The following NRXN1 variants were observed in gnomAD, a reference collection of about 807,000 sequenced individuals.
NRXN1 encodes the protein neurexin-1.
Under a neutral mutation model 150.9 loss-of-function variants are expected in NRXN1, and 39 were observed. The observed-to-expected ratio is 0.26, with a 90% CI of 0.20 to 0.34. The LOEUF is 0.34. NRXN1 is among the 10% of genes least tolerant of loss of function. The pLI, the probability that NRXN1 is intolerant of heterozygous loss-of-function variation, is 1.00. For missense variants in NRXN1, 1,815 were observed against 1,949.9 expected, an observed-to-expected ratio of 0.93 and a Z score of 1.30; for synonymous variants, 924 against 757.0, an observed-to-expected ratio of 1.22 and a Z score of -3.62.
At chr2:50,904,367 C>A (rs1683367772) in intron 5 of NRXN1, among the ~76,000 whole-genome samples, 1 of 152,138 alleles carries the variant, frequency 6.6e-6, no homozygotes, top group East Asian at 1.9e-4. Flanking sequence ...GAAAAGGTAT[C>A]TTGAAATCCC....
chr2:50,427,348 C>A (rs1203528961), intron 17 of NRXN1, among the ~76,000 whole-genome samples: 7 of 140,820 alleles, frequency 5.0e-5, no homozygotes, highest in African/African-American at 1.1e-4. Context: ...GGAAGGTATG[C>A]AACATATATT....
intron 18 of NRXN1, among the ~76,000 whole-genome samples, chr2:50,197,300 G>C (rs996979434): frequency 2.0e-5 from 3 of 152,044 alleles, no homozygotes; most frequent in Non-Finnish European, 4.4e-5. Context: ...GGGAACCTGA[G>C]AGTCTAAGAA....
Position 50,288,686 on chromosome 2 carries a change from C to T in NRXN1, c.3365-51716G>A, listed in dbSNP as rs561952246. Among the ~76,000 whole-genome samples the T allele has an allele frequency of 7.2e-5, 11 of 152,198 alleles. No homozygotes were observed. In the South Asian group the frequency reaches 1.2e-3, roughly 17 times the overall value. ...ACTCCCATTTATAAAACCATATTAT[C>T]TCATGAGACTTATTCACTATCACTA... On this transcript the variant is annotated intron_variant, in intron 17 of 22. Transcript: ENST00000401669.
At chr2:50,295,273 A>T (rs1208686516) in intron 17 of NRXN1, among the ~76,000 whole-genome samples, 1 of 152,174 alleles carries the variant, frequency 6.6e-6, no homozygotes, top group Admixed American at 6.5e-5. Context: ...TTTTAAATTC[A>T]ACCTTTGATT....
chr2:50,825,488 T>A (rs1032768282), intron 5 of NRXN1, among the ~76,000 whole-genome samples: 5 of 152,188 alleles, frequency 3.3e-5, no homozygotes, highest in Non-Finnish European at 7.3e-5. Flanking sequence ...CAGGCCTATG[T>A]AATGAAGCTT....
chr2:50,062,881 C>T (rs1187115161), intron 19 of NRXN1, among the ~76,000 whole-genome samples: 1 of 152,066 alleles, frequency 6.6e-6, no homozygotes, highest in African/African-American at 2.4e-5. Flanking sequence ...ATGAACCAAA[C>T]ATTTGTGCAG....
At chr2:50,338,978 C>T (rs1324859772) in intron 17 of NRXN1, among the ~76,000 whole-genome samples, 1 of 152,144 alleles carries the variant, frequency 6.6e-6, no homozygotes, top group Non-Finnish European at 1.5e-5. Context: ...CTTTAAGCAG[C>T]TCTGAAACCT....
At position 50,722,112 on chromosome 2, in the gene NRXN1, C is replaced by G. The variant is rs142496197; in HGVS notation, c.833-98497G>C. On this transcript the variant is annotated intron_variant, in intron 5 of 22. Transcript: ENST00000401669. ...TCCAATGAATCTAGTATTCCATAGA[C>G]TCTATCAATCTTTTGCCCAATCTTT... Among the ~76,000 whole-genome samples, 140 of 152,180 alleles carry G rather than the reference C, an allele frequency of 9.2e-4. 1 individual carries two copies. The highest frequency in any genetic ancestry group is 6.8e-3 in the Middle Eastern group (2 of 292).
At chr2:50,974,159 T>A (rs1575099114) in intron 2 of NRXN1, among the ~76,000 whole-genome samples, 1 of 152,252 alleles carries the variant, frequency 6.6e-6, no homozygotes, top group East Asian at 1.9e-4. Context: ...CAAACTGCCA[T>A]TTTTTCTCAT....
intron 5 of NRXN1, among the ~76,000 whole-genome samples, chr2:50,776,085 T>C (rs893393366): frequency 4.6e-5 from 7 of 152,126 alleles, no homozygotes; most frequent in African/African-American, 1.2e-4. Context: ...GACTGTCATT[T>C]TGACAGTACT....
At chr2:50,357,307 T>A (rs890422573) in intron 17 of NRXN1, among the ~76,000 whole-genome samples, 1 of 144,264 alleles carries the variant, frequency 6.9e-6, no homozygotes, top group Non-Finnish European at 1.5e-5. Flanking sequence ...TATTTATTTT[T>A]TTTTTTATTT....
chr2:49,979,393 G>T (rs1468650365), intron 21 of NRXN1, among the ~76,000 whole-genome samples: 1 of 152,202 alleles, frequency 6.6e-6, no homozygotes, highest in East Asian at 1.9e-4. Context: ...GCTGTATTAA[G>T]GCACGGAGAG....
chr2:50,126,863 T>G (rs1483701131), intron 18 of NRXN1, among the ~76,000 whole-genome samples: 2 of 152,058 alleles, frequency 1.3e-5, no homozygotes, highest in African/African-American at 2.4e-5. Flanking sequence ...CTTTTTAAAT[T>G]ATATATTTCA....
At chr2:50,431,852 C>A (rs542595775) in intron 17 of NRXN1, among the ~76,000 whole-genome samples, 12 of 151,918 alleles carry the variant, frequency 7.9e-5, no homozygotes, top group Non-Finnish European at 5.9e-5. Context: ...TCTTTTTAAA[C>A]CTTCTCCCTC....
intron 17 of NRXN1, among the ~76,000 whole-genome samples, chr2:50,366,378 T>C (rs1034045614): frequency 2.6e-5 from 4 of 151,892 alleles, no homozygotes; most frequent in Admixed American, 2.6e-4. Context: ...AGTCGTAATA[T>C]TTTTGGAGTA....
At chr2:50,705,382 C>A (rs1366635346) in intron 5 of NRXN1, among the ~76,000 whole-genome samples, 1 of 151,954 alleles carries the variant, frequency 6.6e-6, no homozygotes, top group Non-Finnish European at 1.5e-5. Flanking sequence ...TTATGTTAAA[C>A]CTATCAAAGT....
chr2:50,329,672 TA>T (rs1360088415), intron 17 of NRXN1, among the ~76,000 whole-genome samples: 211 of 20,544 alleles, frequency 0.01, no homozygotes, highest in East Asian at 0.025. Flanking sequence ...TATATATATA[TA>T]TTTTTTTTTT....
chr2:50,979,318 A>G (rs765563906), intron 2 of NRXN1: 8 of 515,120 alleles, frequency 1.6e-5, no homozygotes, highest in Non-Finnish European at 2.7e-5. Context: ...ACAATGTGAC[A>G]GCAATTCCAT....
intron 18 of NRXN1, among the ~76,000 whole-genome samples, chr2:50,161,942 C>T (rs1415270922): frequency 6.6e-6 from 1 of 152,028 alleles, no homozygotes; most frequent in African/African-American, 2.4e-5. Flanking sequence ...ATTTATGACA[C>T]AAAAGAGTTC....
Sources: gnomAD v4.1 joint callset for allele counts (sites outside exome capture counted in the v4.1 genomes callset) on GRCh38, gnomAD v4.1.1 for gene constraint, MANE v1.5 for transcripts, NCBI Gene and HGNC (gene_info 2026-07-23, HGNC 2026-07-21) for gene names.